The following TRHDE variants were observed in gnomAD, a reference collection of about 807,000 sequenced individuals.
TRHDE encodes the protein thyrotropin releasing hormone degrading enzyme, also known as thyrotropin-releasing hormone-degrading ectoenzyme.
TRHDE carries 72 observed loss-of-function variants against 125.7 expected under a neutral mutation model. That is an observed-to-expected ratio of 0.57 (90% CI 0.47 to 0.70). The LOEUF is 0.70. TRHDE is among the 30% of genes least tolerant of loss of function. TRHDE has a pLI of 0.00. For synonymous variants in TRHDE, 509 were observed against 509.1 expected, an observed-to-expected ratio of 1.00 and a Z score of 0.00; for missense variants, 1,110 against 1,327.1, an observed-to-expected ratio of 0.84 and a Z score of 2.54.
rs560721500 is a variant in TRHDE at position 72,328,288 on chromosome 12, T to C, written c.1188+41334T>C. Among the ~76,000 whole-genome samples, 3 of 152,320 alleles carry C rather than the reference T, an allele frequency of 2.0e-5. No homozygotes were observed. In the East Asian group the frequency reaches 5.8e-4, roughly 29 times the overall value. ...GGACAATTAAAACAGAAGCTGAGTG[T>C]TACAGACACATTGTAAGTAACTGCC... On this transcript the variant is annotated intron_variant, in intron 2 of 18. Transcript: ENST00000261180.
chr12:72,107,299 TC>T (rs2139292817), intron 2 of TRHDE, among the ~76,000 whole-genome samples: 1 of 152,268 alleles, frequency 6.6e-6, no homozygotes, highest in East Asian at 1.9e-4. Flanking sequence ...TGTCGGAAGT[TC>T]ATTTCCAATT....
chr12:72,521,552 C>T (rs2135963255), intron 6 of TRHDE, among the ~76,000 whole-genome samples: 1 of 152,170 alleles, frequency 6.6e-6, no homozygotes, highest in East Asian at 1.9e-4. Context: ...TGCCTCTCTG[C>T]TGTCATTTTA....
chr12:72,554,534 C>T lies in TRHDE; in HGVS notation c.1789-7631C>T, dbSNP rs540908774. ...TCCCAAGTTGTCACCAGCACCGGGGCTGAGAGAGCGAAGAGGTGGGAGAGG... is the reference window on the plus strand; with the variant it reads ...TCCCAAGTTGTCACCAGCACCGGGGTTGAGAGAGCGAAGAGGTGGGAGAGG... On this transcript the variant is annotated intron_variant, in intron 7 of 18. Coordinates refer to ENST00000261180, the MANE Select transcript of TRHDE (RefSeq NM_013381.3). Among the ~76,000 whole-genome samples, 68 of 152,262 alleles carry T rather than the reference C, an allele frequency of 4.5e-4. 3 individuals carry two copies. In the South Asian group the frequency reaches 0.013, roughly 29 times the overall value.
chr12:72,542,502 A>G (rs1361176347), intron 7 of TRHDE, 146 bp downstream of exon 7: 1 of 541,892 alleles, frequency 1.8e-6, no homozygotes, highest in Non-Finnish European at 3.2e-6. Context: ...ATGACAAATG[A>G]AAATTCTAGA....
chr12:72,552,192 A>G (rs1869710835), intron 7 of TRHDE, among the ~76,000 whole-genome samples: 2 of 152,262 alleles, frequency 1.3e-5, no homozygotes, highest in South Asian at 4.1e-4. Context: ...GGCTAATTGT[A>G]ATAATACCCT....
At chr12:72,185,163 C>G (rs1191733577) in intron 2 of TRHDE, among the ~76,000 whole-genome samples, 6 of 152,174 alleles carry the variant, frequency 3.9e-5, no homozygotes, top group Non-Finnish European at 8.8e-5. Flanking sequence ...CTGCTGGCCC[C>G]GGGCAATGAG....
chr12:72,170,358 C>A (rs111725457), intron 2 of TRHDE, among the ~76,000 whole-genome samples: 18 of 152,142 alleles, frequency 1.2e-4, no homozygotes, highest in African/African-American at 4.1e-4. Flanking sequence ...GTCTTGAGGC[C>A]TAAAAAGCCA....
intron 2 of TRHDE, among the ~76,000 whole-genome samples, chr12:72,239,114 G>A (rs1878422653): frequency 1.3e-5 from 2 of 152,110 alleles, no homozygotes; most frequent in African/African-American, 4.8e-5. Flanking sequence ...TCTCATTGTG[G>A]TTTTGATCTG....
chr12:72,513,292 G>T (rs1191076364), intron 6 of TRHDE, among the ~76,000 whole-genome samples: 1 of 152,116 alleles, frequency 6.6e-6, no homozygotes. Context: ...GCTTCAAACA[G>T]ATTAAACTAT....
intron 3 of TRHDE, among the ~76,000 whole-genome samples, chr12:72,453,432 A>G (rs1252942511): frequency 1.3e-5 from 2 of 152,194 alleles, no homozygotes; most frequent in Non-Finnish European, 2.9e-5. Context: ...CAGATGTGGG[A>G]ACAAAGAAAT....
At chr12:72,453,772 C>A (rs989976412) in intron 3 of TRHDE, among the ~76,000 whole-genome samples, 1 of 152,192 alleles carries the variant, frequency 6.6e-6, no homozygotes, top group African/African-American at 2.4e-5. Flanking sequence ...TTCCTGCATC[C>A]CAGCTGCTCC....
intron 2 of TRHDE, among the ~76,000 whole-genome samples, chr12:72,186,927 T>G (rs1877228279): frequency 6.6e-6 from 1 of 152,072 alleles, no homozygotes; most frequent in East Asian, 1.9e-4. Flanking sequence ...GTTGCCAGCT[T>G]ATCTTATCAA....
At chr12:72,475,037 C>T (rs79040370) in intron 5 of TRHDE, among the ~76,000 whole-genome samples, 8,414 of 152,096 alleles carry the variant, frequency 0.055, 308 homozygotes, top group Middle Eastern at 0.12. Flanking sequence ...ATATGTATAA[C>T]ATAATTTTAA....
intron 12 of TRHDE, among the ~76,000 whole-genome samples, chr12:72,586,245 G>C (rs1871434030): frequency 6.6e-6 from 1 of 152,090 alleles, no homozygotes; most frequent in African/African-American, 2.4e-5. Flanking sequence ...TGATAATTTG[G>C]GGAAGAAGAT....
At chr12:72,348,652 G>A (rs929054608) in intron 2 of TRHDE, among the ~76,000 whole-genome samples, 1 of 151,888 alleles carries the variant, frequency 6.6e-6, no homozygotes, top group Non-Finnish European at 1.5e-5. Flanking sequence ...CAAAAGCTTG[G>A]AATGCTTCAT....
intron 6 of TRHDE, among the ~76,000 whole-genome samples, chr12:72,541,847 AC>A (rs1486170353): frequency 6.6e-6 from 1 of 151,280 alleles, no homozygotes; most frequent in Non-Finnish European, 1.5e-5. Context: ...CCACAACTAA[AC>A]TTTTCTTGGT....
At chr12:72,650,098 A>G (rs1470950109) in intron 15 of TRHDE, among the ~76,000 whole-genome samples, 1 of 152,146 alleles carries the variant, frequency 6.6e-6, no homozygotes, top group East Asian at 1.9e-4. Flanking sequence ...TTGCAGCACT[A>G]GTCACATTAG....
intron 9 of TRHDE, 73 bp from the exon 10 acceptor site, chr12:72,568,495 G>A (rs535448611): frequency 9.5e-6 from 10 of 1,048,534 alleles, no homozygotes; most frequent in South Asian, 6.0e-5. Context: ...CACAGAAGGC[G>A]CATGGGAAAT....
chr12:72,309,185 G>A (rs1371779045), intron 2 of TRHDE, among the ~76,000 whole-genome samples: 1 of 152,080 alleles, frequency 6.6e-6, no homozygotes, highest in African/African-American at 2.4e-5. Flanking sequence ...GAGTTGGTGA[G>A]CCTTTAAAAG....
Sources: gnomAD v4.1 joint callset for allele counts (sites outside exome capture counted in the v4.1 genomes callset) on GRCh38, gnomAD v4.1.1 for gene constraint, MANE v1.5 for transcripts, NCBI Gene and HGNC (gene_info 2026-07-23, HGNC 2026-07-21) for gene names.